Variants in FGD4 observed in about 807,000 individuals in gnomAD.
The protein encoded by FGD4 is FYVE, RhoGEF and PH domain-containing protein 4.
A neutral mutation model predicts 102.0 loss-of-function variants in FGD4; 42 were observed. The observed-to-expected ratio is 0.41, with a 90% confidence interval of 0.32 to 0.53. The LOEUF (loss-of-function observed/expected upper bound fraction) is 0.53. Among genes scored for constraint, FGD4 ranks in the 20% least tolerant of loss-of-function variants. The probability of loss-of-function intolerance (pLI) is 0.21; values close to 1 mark genes in which losing one functional copy is unlikely to be tolerated. For synonymous variants in FGD4, 380 were observed against 375.7 expected (o/e 1.01, Z -0.13); for missense variants, 902 against 1,078.2 (o/e 0.84, Z 2.29).
At chr12:32,540,785 G>A (rs974755724) in intron 1 of FGD4, among the ~76,000 whole-genome samples, 7 of 151,898 alleles carry the variant, frequency 4.6e-5, no homozygotes, top group Non-Finnish European at 1.5e-5. Flanking sequence ...GGCTGGTCTC[G>A]AACTCCTGAC....
chr12:32,416,433 C>T (rs1300724550), intron 1 of FGD4, among the ~76,000 whole-genome samples: 1 of 152,092 alleles, frequency 6.6e-6, no homozygotes, highest in African/African-American at 2.4e-5. Flanking sequence ...TCCTTCTTTC[C>T]TGTCTTCCTT....
Position 32,445,747 on chromosome 12 carries a change from A to G in FGD4, c.166+45788A>G, listed in dbSNP as rs528358617. On this transcript the variant is annotated intron_variant, in intron 1 of 16. Coordinates refer to ENST00000534526, the MANE Select transcript of FGD4 (RefSeq NM_001370298.3). ...AGATACACACTATTTCCAAGGGCCT[A>G]AAATTTCTTTGTTAAACACAGATTC... 9.3e-4 allele frequency among the ~76,000 whole-genome samples: 141 copies of G among 152,328 alleles called. 2 individuals carry two copies. The highest frequency in any genetic ancestry group is 1.7e-3 in the Non-Finnish European group (114 of 68,024).
rs148658779 is a variant in FGD4 at position 32,528,009 on chromosome 12, C to T, written c.167-36128C>T. On this transcript the variant is annotated intron_variant, in intron 1 of 16. Transcript: ENST00000534526. ...GGTGACAGTCTTGCTCTGTCACCCA[C>T]GCTGAAGTGCAGTGCTGTGATCTCA... Among the ~76,000 whole-genome samples, 121 of 152,074 alleles carry T rather than the reference C, an allele frequency of 8.0e-4. 1 individual carries two copies. Among genetic ancestry groups the T allele is most frequent in the Middle Eastern group, 6.8e-3 (2 of 294 alleles).
chr12:32,473,411 G>C (rs571940021), intron 1 of FGD4, among the ~76,000 whole-genome samples: 17 of 152,094 alleles, frequency 1.1e-4, no homozygotes, highest in African/African-American at 2.4e-4. Flanking sequence ...GAGCCCACTG[G>C]GGGGAAGGAA....
At chr12:32,465,667 A>T (rs779022346) in intron 1 of FGD4, among the ~76,000 whole-genome samples, 4 of 144,956 alleles carry the variant, frequency 2.8e-5, no homozygotes, top group South Asian at 2.2e-4. Context: ...ACAACGTCTT[A>T]AAAAAAAAAA....
At chr12:32,545,980 G>C (rs1943197411) in intron 1 of FGD4, among the ~76,000 whole-genome samples, 1 of 152,168 alleles carries the variant, frequency 6.6e-6, no homozygotes, top group Non-Finnish European at 1.5e-5. Context: ...CAGATTCTAA[G>C]AATTCATTTT....
chr12:32,473,437 C>T (rs541533781), intron 1 of FGD4, among the ~76,000 whole-genome samples: 22 of 152,090 alleles, frequency 1.4e-4, no homozygotes, highest in African/African-American at 5.1e-4. Context: ...CCAGACGCGC[C>T]GCCTTAAAAG....
chr12:32,451,735 C>T (rs566489627), intron 1 of FGD4, among the ~76,000 whole-genome samples: 15 of 148,332 alleles, frequency 1.0e-4, no homozygotes, highest in African/African-American at 3.0e-4. Context: ...GGCGAAACCC[C>T]GTCTCTACTA....
chr12:32,441,345 C>G lies in FGD4; in HGVS notation c.166+41386C>G, dbSNP rs140724798. On this transcript the variant is annotated intron_variant, in intron 1 of 16. Coordinates refer to ENST00000534526, the MANE Select transcript of FGD4 (RefSeq NM_001370298.3). ...GCTGGTTATTCAGCGTCTAAAGTCTCTTCACTTTGCTGGTGATGAATGCTG... is the reference window on the plus strand; with the variant it reads ...GCTGGTTATTCAGCGTCTAAAGTCTGTTCACTTTGCTGGTGATGAATGCTG... 1.0e-3 allele frequency among the ~76,000 whole-genome samples: 159 copies of G among 152,186 alleles called. 4 individuals carry two copies. The East Asian group carries it at 0.029, about 27-fold the overall frequency.
chr12:32,469,085 C>T (rs1943345578), intron 1 of FGD4, among the ~76,000 whole-genome samples: 1 of 151,994 alleles, frequency 6.6e-6, no homozygotes, highest in Non-Finnish European at 1.5e-5. Context: ...ATCAGCCTCC[C>T]AAAATGCTGG....
chr12:32,626,612 A>G (rs984396551), intron 14 of FGD4, among the ~76,000 whole-genome samples: 1 of 152,128 alleles, frequency 6.6e-6, no homozygotes, highest in African/African-American at 2.4e-5. Context: ...GATGAGTAAG[A>G]GGAGGAACGT....
At chr12:32,582,661 T>C (rs937756279) in intron 4 of FGD4, 194 bp downstream of exon 4, 1 of 675,462 alleles carries the variant, frequency 1.5e-6, no homozygotes, top group Non-Finnish European at 2.5e-6. Flanking sequence ...TTTCTTTTCA[T>C]GTAGTTTCTG....
At chr12:32,448,384 C>G (rs1259287474) in intron 1 of FGD4, among the ~76,000 whole-genome samples, 2 of 151,958 alleles carry the variant, frequency 1.3e-5, no homozygotes, top group Non-Finnish European at 2.9e-5. Context: ...TGGCTGGGCG[C>G]GGGTAGCTCA....
intron 1 of FGD4, among the ~76,000 whole-genome samples, chr12:32,532,102 A>G (rs1328314023): frequency 1.3e-5 from 2 of 152,236 alleles, no homozygotes; most frequent in Admixed American, 6.5e-5. Context: ...ACTGAACAGT[A>G]TATATACTAT....
At chr12:32,564,080 G>T in intron 1 of FGD4, 57 bp from the exon 2 acceptor site, 1 of 1,480,592 alleles carries the variant, frequency 6.8e-7, no homozygotes, top group South Asian at 1.3e-5. Flanking sequence ...TAACTTATAA[G>T]GCAGTATTGT....
At chr12:32,552,741 G>T (rs1315502081) in intron 1 of FGD4, among the ~76,000 whole-genome samples, 2 of 151,670 alleles carry the variant, frequency 1.3e-5, no homozygotes, top group Non-Finnish European at 2.9e-5. Context: ...GTACAGCAGA[G>T]CACACTGGCC....
intron 1 of FGD4, among the ~76,000 whole-genome samples, chr12:32,409,291 C>CT (rs34814176): frequency 6.1e-4 from 81 of 132,032 alleles, no homozygotes; most frequent in East Asian, 8.9e-4. Flanking sequence ...TCTTTTTTTT[C>CT]TTTTTTTTTT....
chr12:32,585,252 A>G (rs975518759), intron 4 of FGD4, among the ~76,000 whole-genome samples: 3 of 129,644 alleles, frequency 2.3e-5, no homozygotes, highest in Non-Finnish European at 3.2e-5. Context: ...ATATATATAT[A>G]TATATGTATA....
At position 32,468,846 on chromosome 12, in the gene FGD4, A is replaced by G. The variant is rs1456917322; in HGVS notation, c.166+68887A>G. On this transcript the variant is annotated intron_variant, in intron 1 of 16. Coordinates refer to ENST00000534526, the MANE Select transcript of FGD4 (RefSeq NM_001370298.3). ...GGTTTCTTTTTTTGTTGTTTTTTTG[A>G]GACGGAGTCTCACTCTGTCACCCAG... Among the ~76,000 whole-genome samples, 3 of 152,182 alleles carry G rather than the reference A, an allele frequency of 2.0e-5. No homozygotes were observed. The East Asian group carries it at 5.8e-4, about 29-fold the overall frequency.
Sources: gnomAD v4.1 joint callset for allele counts (sites outside exome capture counted in the v4.1 genomes callset) on GRCh38, gnomAD v4.1.1 for gene constraint, MANE v1.5 for transcripts, NCBI Gene and HGNC (gene_info 2026-07-23, HGNC 2026-07-21) for gene names.